Variants in CORO2B observed in about 807,000 individuals in gnomAD.
CORO2B encodes coronin 2B, also known as coronin-2B.
A neutral mutation model predicts 58.8 loss-of-function variants in CORO2B; 26 were observed. The observed-to-expected ratio is 0.44, with a 90% CI of 0.32 to 0.61. The LOEUF (loss-of-function observed/expected upper bound fraction) is 0.61. Ranked by LOEUF, CORO2B falls within the 20% of genes least tolerant of loss-of-function variation. The pLI, the probability that CORO2B is intolerant of heterozygous loss-of-function variation, is 0.04. For missense variants in CORO2B, 460 were observed against 645.1 expected (o/e 0.71, Z 3.11); for synonymous variants, 242 against 253.8 (o/e 0.95, Z 0.44).
chr15:68,712,441 G>A (rs986413474), intron 5 of CORO2B, among the ~76,000 whole-genome samples: 1 of 152,120 alleles, frequency 6.6e-6, no homozygotes, highest in African/African-American at 2.4e-5. Flanking sequence ...TTTGAGCACT[G>A]ACATAACACC....
chr15:68,630,836 G>A (rs903933258), intron 1 of CORO2B, among the ~76,000 whole-genome samples: 4 of 152,156 alleles, frequency 2.6e-5, no homozygotes, highest in Non-Finnish European at 4.4e-5. Flanking sequence ...GCCACAAAAT[G>A]GGTGCCAGAG....
the CORO2B span, among the ~76,000 whole-genome samples, chr15:68,573,207 C>G: frequency 6.6e-6 from 1 of 152,080 alleles, no homozygotes; most frequent in Non-Finnish European, 1.5e-5. Context: ...CCCCAGCATC[C>G]CCCATGCCAA....
intron 1 of CORO2B, among the ~76,000 whole-genome samples, chr15:68,630,219 C>T (rs528643514): frequency 6.6e-6 from 1 of 152,302 alleles, no homozygotes; most frequent in Middle Eastern, 3.4e-3. Flanking sequence ...AGCAGTGTTG[C>T]TGGACCCAGG....
At chr15:68,621,793 G>A (rs1385180237) in intron 1 of CORO2B, among the ~76,000 whole-genome samples, 2 of 150,388 alleles carry the variant, frequency 1.3e-5, no homozygotes, top group Non-Finnish European at 3.0e-5. Context: ...TTGAGACAGG[G>A]TCTCCTAGGC....
chr15:68,599,111 G>T (rs1899911669), intron 1 of CORO2B, among the ~76,000 whole-genome samples: 1 of 152,168 alleles, frequency 6.6e-6, no homozygotes, highest in South Asian at 2.1e-4. Flanking sequence ...CCAGACACTG[G>T]TCGGCTTGCT....
upstream of CORO2B, among the ~76,000 whole-genome samples, chr15:68,576,395 C>A (rs1781765294): frequency 6.6e-6 from 1 of 152,050 alleles, no homozygotes; most frequent in African/African-American, 2.4e-5. Context: ...TTGGGGGCAG[C>A]AGATTGATGT....
At chr15:68,598,526 C>G (rs1899896860) in intron 1 of CORO2B, among the ~76,000 whole-genome samples, 1 of 152,308 alleles carries the variant, frequency 6.6e-6, no homozygotes, top group African/African-American at 2.4e-5. Context: ...CTGAGAGAAG[C>G]CAGAAGGAGT....
the CORO2B span, among the ~76,000 whole-genome samples, chr15:68,566,738 G>A: frequency 6.6e-6 from 1 of 152,184 alleles, no homozygotes; most frequent in Non-Finnish European, 1.5e-5. Flanking sequence ...CCTGGATGGG[G>A]AGGGAGCCTG....
rs1893293117 is a variant in CORO2B at position 68,726,107 on chromosome 15, A to G, written c.*133A>G. On this transcript the variant is annotated 3_prime_UTR_variant, in exon 12 of 12. Transcript: ENST00000261861. ...GCCAGCCTGAGGACCCCCGCCTACCACCTCGAGAACTGGAAGCCAACCTCT... is the reference window on the plus strand; with the variant it reads ...GCCAGCCTGAGGACCCCCGCCTACCGCCTCGAGAACTGGAAGCCAACCTCT... 1 of 1,192,710 alleles carries G rather than the reference A, an allele frequency of 8.4e-7. No individual in the cohort carries two copies. 73.9% of individuals were successfully genotyped at this position (1,192,710 alleles called of 1,614,324 possible).
intron 2 of CORO2B, among the ~76,000 whole-genome samples, chr15:68,653,422 A>G (rs907682459): frequency 4.2e-4 from 64 of 152,292 alleles, no homozygotes; most frequent in African/African-American, 1.5e-3. Flanking sequence ...CCAAGGGGCC[A>G]TTGGGCTGAC....
chr15:68,604,215 C>T (rs1900051913), intron 1 of CORO2B, among the ~76,000 whole-genome samples: 2 of 152,182 alleles, frequency 1.3e-5, no homozygotes, highest in African/African-American at 2.4e-5. Flanking sequence ...TCCCTTGACG[C>T]ATACTCCAGG....
the CORO2B span, among the ~76,000 whole-genome samples, chr15:68,549,876 G>A: frequency 6.6e-6 from 1 of 152,056 alleles, no homozygotes; most frequent in African/African-American, 2.4e-5. Context: ...GGAAGATGGA[G>A]GTTGCAGTGA....
In CORO2B at chr15:68,710,695, G is replaced by A. The variant is rs748202463; in HGVS notation, c.334-37G>A. ...CCTCTCATCAAGGGACTTCTTGGCC[G>A]TGTCCACCCAGCCTGGACCCTCATC... On this transcript the variant is annotated intron_variant, in intron 3 of 11. Coordinates refer to ENST00000261861, the MANE Select transcript of CORO2B (RefSeq NM_006091.5). The surrounding 1 kb of genome is among the most constrained non-coding windows in gnomAD (Gnocchi z 4.1). 27 of 1,534,122 alleles carry A rather than the reference G, an allele frequency of 1.8e-5. No individual in the cohort carries two copies. The highest frequency in any genetic ancestry group is 2.3e-5 in the Non-Finnish European group (26 of 1,136,424).
intron 11 of CORO2B, 40 bp downstream of exon 11, chr15:68,719,592 A>C (rs1041789070): frequency 1.3e-6 from 2 of 1,582,732 alleles, no homozygotes; most frequent in Non-Finnish European, 1.7e-6. Flanking sequence ...GCCCTGGAAG[A>C]GCAAGACCTT....
rs1596044493 is a variant in CORO2B, at chr15:68,726,205, A to T, written c.*231A>T. The T allele has an allele frequency of 2.0e-6, 1 of 507,566 alleles. No homozygotes were observed. Among genetic ancestry groups the T allele is most frequent in the African/African-American group, 2.0e-5 (1 of 49,964 alleles). The allele number at this position is 507,566 out of a possible 1,614,324, so 31.4% of individuals were successfully genotyped here. A position where few individuals can be genotyped will look rare whatever the true frequency, so the allele number is the denominator to read the frequency against. ...CCTGCCGGCAGCCCCTTTCCCTGCC[A>T]CCCCAGGAGCCAGGCTTCCCCTCAG... is the stretch of plus-strand genomic sequence containing the variant. On this transcript the variant is annotated 3_prime_UTR_variant, in exon 12 of 12. Coordinates refer to ENST00000261861, the MANE Select transcript of CORO2B (RefSeq NM_006091.5).
At chr15:68,692,507 C>T (rs78107796) in intron 2 of CORO2B, among the ~76,000 whole-genome samples, 95,228 of 150,874 alleles carry the variant, frequency 0.63, 32,124 homozygotes, top group East Asian at 0.94. Context: ...ATCGCTTGAA[C>T]CCGGGAGGCG....
Position 68,710,828 on chromosome 15 carries a change from G to C in CORO2B, c.430G>C (p.Glu144Gln). ...HGHSRRVGLV[E>Q]WHPTTNNILF... ...GCACAGCCGGCGTGTGGGGCTGGTC[G>C]AGTGGCACCCCACCACCAACAACAT... is the stretch of plus-strand genomic sequence containing the variant. Residue 144 changes from glutamate to glutamine, a missense_variant, in exon 4 of 12, where the codon GAG becomes CAG. Glu to Gln is a conservative substitution (Grantham distance 29). Coordinates refer to ENST00000261861, the MANE Select transcript of CORO2B (RefSeq NM_006091.5). This position sits in a 1 kb window ranked among gnomAD's most constrained non-coding sequence, Gnocchi z 4.1. 6.2e-7 allele frequency: 1 copy of C among 1,611,206 alleles called. No individual in the cohort carries two copies. Among genetic ancestry groups the C allele is most frequent in the Non-Finnish European group, 8.5e-7 (1 of 1,178,958 alleles).
At chr15:68,623,917 G>A (rs1900600718) in intron 1 of CORO2B, among the ~76,000 whole-genome samples, 1 of 152,190 alleles carries the variant, frequency 6.6e-6, no homozygotes, top group Non-Finnish European at 1.5e-5. Flanking sequence ...TGACTGCTGT[G>A]TTGGGAAGAT....
intron 2 of CORO2B, among the ~76,000 whole-genome samples, chr15:68,652,475 C>G (rs1002194302): frequency 4.6e-5 from 7 of 152,216 alleles, no homozygotes; most frequent in Non-Finnish European, 1.0e-4. Context: ...ATCCAGGCCA[C>G]AGGAAGAACA....
Sources: allele counts gnomAD v4.1 joint callset (sites outside exome capture counted in the v4.1 genomes callset), GRCh38; gene constraint gnomAD v4.1.1; non-coding constraint Gnocchi (gnomAD v3.1); transcripts MANE v1.5; gene names NCBI Gene and HGNC (gene_info 2026-07-23, HGNC 2026-07-21).